The following RAB10 variants were observed in gnomAD, a reference collection of about 807,000 sequenced individuals.
RAB10 encodes the protein ras-related protein Rab-10.
A neutral mutation model predicts 25.7 loss-of-function variants in RAB10; 5 were observed. The observed-to-expected ratio is 0.19, with a 90% confidence interval of 0.10 to 0.41. The LOEUF (loss-of-function observed/expected upper bound fraction) is 0.41. RAB10 is among the 10% of genes least tolerant of loss of function. The pLI is 1.00. For synonymous variants in RAB10, 89 were observed against 86.4 expected (o/e 1.03, Z -0.16); for missense variants, 103 against 245.8 (o/e 0.42, Z 3.89).
At chr2:26,101,093 C>T (rs1483383314) in intron 2 of RAB10, among the ~76,000 whole-genome samples, 1 of 152,004 alleles carries the variant, frequency 6.6e-6, no homozygotes, top group Non-Finnish European at 1.5e-5. Flanking sequence ...CAGTAAGCAA[C>T]CAAAGTCATT....
Position 26,135,117 on chromosome 2 carries a change from T to G in RAB10, c.*96T>G. The G allele has an allele frequency of 1.0e-6, 1 of 961,298 alleles. No homozygotes were observed. The highest frequency in any genetic ancestry group is 1.7e-5 in the African/African-American group (1 of 59,218). The allele number at this position is 961,298 out of a possible 1,614,324, so 59.5% of individuals were successfully genotyped here. A position where few individuals can be genotyped will look rare whatever the true frequency, so the allele number is the denominator to read the frequency against. The stretch of plus-strand genomic sequence containing the variant: ...GTCCATTTTTAACTCTAAACAGATA[T>G]TTTTGTTTCTCATCTTAACTATCCA... On this transcript the variant is annotated 3_prime_UTR_variant, in exon 6 of 6. Coordinates refer to ENST00000264710, the MANE Select transcript of RAB10 (RefSeq NM_016131.5).
At chr2:26,076,815 G>T (rs950919608) in intron 1 of RAB10, among the ~76,000 whole-genome samples, 3 of 151,694 alleles carry the variant, frequency 2.0e-5, no homozygotes, top group African/African-American at 7.3e-5. Flanking sequence ...GTGGTGGCAG[G>T]CGCCTGTAAT....
Position 26,116,014 on chromosome 2 carries a change from C to T in RAB10, c.327+6108C>T, listed in dbSNP as rs540405911. On this transcript the variant is annotated intron_variant, in intron 3 of 5. Coordinates refer to ENST00000264710, the MANE Select transcript of RAB10 (RefSeq NM_016131.5). The stretch of plus-strand genomic sequence containing the variant: ...AGCTGGGACTACAGGTGCATGCTGC[C>T]ACGCCCGGCTAATTTTTTTTGTATT... Among the ~76,000 whole-genome samples the T allele has an allele frequency of 4.3e-4, 65 of 152,042 alleles. 2 individuals carry two copies. The South Asian group carries it at 0.013, about 30-fold the overall frequency.
intron 3 of RAB10, among the ~76,000 whole-genome samples, chr2:26,114,890 A>T (rs1229536960): frequency 6.6e-6 from 1 of 152,104 alleles, no homozygotes; most frequent in Non-Finnish European, 1.5e-5. Flanking sequence ...CAACAGAGTG[A>T]GACTCTGTCT....
At chr2:26,085,794 C>G (rs918496853) in intron 1 of RAB10, among the ~76,000 whole-genome samples, 3 of 151,438 alleles carry the variant, frequency 2.0e-5, no homozygotes, top group Non-Finnish European at 4.4e-5. Context: ...GTCGAGAGTT[C>G]GAGACCAGCC....
At chr2:26,127,066 G>A (rs190024414) in intron 3 of RAB10, 78 bp from the exon 4 acceptor site, 11 of 1,090,250 alleles carry the variant, frequency 1.0e-5, no homozygotes. Context: ...TCTAAATTGA[G>A]AGAATAAAGT....
intron 1 of RAB10, among the ~76,000 whole-genome samples, chr2:26,081,569 C>T (rs948802937): frequency 4.6e-5 from 7 of 152,166 alleles, no homozygotes; most frequent in Non-Finnish European, 7.4e-5. Context: ...TTAAATCTGG[C>T]GAATTAGGTT....
chr2:26,092,294 TGTGTGTGTGTGTGTGTGTG>T (rs1247648657), intron 1 of RAB10, among the ~76,000 whole-genome samples: 4 of 138,274 alleles, frequency 2.9e-5, no homozygotes, highest in African/African-American at 1.3e-4. Context: ...TGTGTGTGTG[TGTGTGTGTGTGTGTGTGTG>T]TGTGTGTGTT....
chr2:26,115,334 A>G (rs1180632027), intron 3 of RAB10, among the ~76,000 whole-genome samples: 2 of 152,032 alleles, frequency 1.3e-5, no homozygotes, highest in African/African-American at 2.4e-5. Context: ...AAAACCAGAA[A>G]CAACCCAAAC....
intron 1 of RAB10, among the ~76,000 whole-genome samples, chr2:26,047,729 T>TTG (rs1393832851): frequency 1.4e-5 from 2 of 145,798 alleles, no homozygotes; most frequent in Non-Finnish European, 3.0e-5. Flanking sequence ...GCCTGTTTTT[T>TTG]TTTTTTTTTT....
At chr2:26,039,836 G>A (rs1665844772) in intron 1 of RAB10, among the ~76,000 whole-genome samples, 1 of 151,706 alleles carries the variant, frequency 6.6e-6, no homozygotes, top group East Asian at 2.0e-4. Context: ...AACATAGTGA[G>A]ACCCTGTCTG....
At chr2:26,055,014 G>A (rs1666225432) in intron 1 of RAB10, among the ~76,000 whole-genome samples, 2 of 108,874 alleles carry the variant, frequency 1.8e-5, no homozygotes, top group African/African-American at 7.3e-5. Context: ...TGCATTTTGA[G>A]ATGAGCATAG....
rs1218022291 is a variant in RAB10 at position 26,128,764 on chromosome 2, C to T, written c.519+813C>T. On this transcript the variant is annotated intron_variant, in intron 5 of 5. Coordinates refer to ENST00000264710, the MANE Select transcript of RAB10 (RefSeq NM_016131.5). ...AAATAAATAATGCTGAAAATGTGAT[C>T]TTGGGGAATTTATATTTTACCTCAG... 2.0e-5 allele frequency among the ~76,000 whole-genome samples: 3 copies of T among 152,078 alleles called. No individual in the cohort carries two copies. In the East Asian group the frequency reaches 5.8e-4, roughly 29 times the overall value.
rs1665720726 is a variant in RAB10 at position 26,034,548 on chromosome 2, G to A, written c.-61G>A. 3.7e-6 allele frequency: 6 copies of A among 1,605,870 alleles called. No homozygotes were observed. Among genetic ancestry groups the A allele is most frequent in the South Asian group, 1.1e-5 (1 of 90,630 alleles). On this transcript the variant is annotated 5_prime_UTR_variant, in exon 1 of 6. Transcript: ENST00000264710. ...AGAACGCCCGAGTGAGGAGTTGGCC[G>A]TAGTGAGAGGGACCGATCCCTTGGG...
chr2:26,095,174 TTG>T (rs1214967173), intron 1 of RAB10, among the ~76,000 whole-genome samples: 4 of 151,550 alleles, frequency 2.6e-5, no homozygotes, highest in Admixed American at 2.6e-4. Context: ...CAGTGAATAG[TTG>T]TGTTTTGTTT....
intron 2 of RAB10, among the ~76,000 whole-genome samples, chr2:26,109,084 G>A (rs181410081): frequency 5.5e-4 from 83 of 151,726 alleles, no homozygotes; most frequent in African/African-American, 2.0e-3. Context: ...GCTAATTTTT[G>A]TATTTTTAGT....
At chr2:26,048,853 G>A (rs974456542) in intron 1 of RAB10, among the ~76,000 whole-genome samples, 1 of 152,154 alleles carries the variant, frequency 6.6e-6, no homozygotes, top group Non-Finnish European at 1.5e-5. Context: ...GCGACAGTGA[G>A]ACTCTATCTC....
chr2:26,117,901 A>C (rs1667725920), intron 3 of RAB10, among the ~76,000 whole-genome samples: 1 of 152,212 alleles, frequency 6.6e-6, no homozygotes, highest in Non-Finnish European at 1.5e-5. Context: ...CTTTGGACCA[A>C]ATAACTTAGC....
In RAB10 at chr2:26,061,850, G is replaced by A. The variant is rs537459342; in HGVS notation, c.127+27115G>A. ...CGGGTCACTGCAGCCTTGACCTCCTGGGCTCAAGTGCTCCTCCTGCCTCAG... is the reference window on the plus strand; with the variant it reads ...CGGGTCACTGCAGCCTTGACCTCCTAGGCTCAAGTGCTCCTCCTGCCTCAG... On this transcript the variant is annotated intron_variant, in intron 1 of 5. Transcript: ENST00000264710. Among the ~76,000 whole-genome samples the A allele has an allele frequency of 4.6e-4, 65 of 142,524 alleles. 2 individuals are homozygous for A. In the South Asian group the frequency reaches 0.014, roughly 30 times the overall value. The allele number at this position is 142,524 out of a possible 152,430, so 93.5% of individuals were successfully genotyped here.
Sources: allele counts gnomAD v4.1 joint callset (sites outside exome capture counted in the v4.1 genomes callset), GRCh38; gene constraint gnomAD v4.1.1; transcripts MANE v1.5; gene names NCBI Gene and HGNC (gene_info 2026-07-23, HGNC 2026-07-21).